RPGRIP1: variants seen among roughly 807,000 people sequenced by gnomAD.
RPGRIP1 encodes RPGR interacting protein 1.
A neutral mutation model predicts 157.9 loss-of-function variants in RPGRIP1; 128 were observed. That is an observed-to-expected ratio of 0.81 (90% CI 0.70 to 0.94). The LOEUF (loss-of-function observed/expected upper bound fraction) is 0.94. Among genes scored for constraint, RPGRIP1 ranks in the 40% least tolerant of loss-of-function variants. RPGRIP1 has a pLI of 0.00. For missense variants in RPGRIP1, 1,486 were observed against 1,545.8 expected, an observed-to-expected ratio of 0.96 and a Z score of 0.65; for synonymous variants, 554 against 571.6, an observed-to-expected ratio of 0.97 and a Z score of 0.44.
chr14:21,340,098 C>G (rs1884835614), intron 21 of RPGRIP1, among the ~76,000 whole-genome samples: 1 of 152,130 alleles, frequency 6.6e-6, no homozygotes, highest in Admixed American at 6.6e-5. Context: ...AGACTGTACT[C>G]ATCTCAGGCA....
chr14:21,321,405 G>A lies in RPGRIP1; in HGVS notation c.1611+3G>A, dbSNP rs774319008. On this transcript the variant is annotated splice_donor_region_variant and intron_variant, in intron 13 of 24. Coordinates refer to ENST00000400017, the MANE Select transcript of RPGRIP1 (RefSeq NM_020366.4). ...GCAAAATCAACGTGTGTTATCAGGT[G>A]CAAGGAAAGATGGTACAGGAAGGGG... 1.9e-6 allele frequency: 3 copies of A among 1,608,524 alleles called. No homozygotes were observed. The highest frequency in any genetic ancestry group is 2.5e-6 in the Non-Finnish European group (3 of 1,177,710).
intron 23 of RPGRIP1, among the ~76,000 whole-genome samples, chr14:21,347,919 G>T (rs1336165235): frequency 6.6e-6 from 1 of 152,010 alleles, no homozygotes; most frequent in Admixed American, 6.6e-5. Flanking sequence ...TAGAGACGGG[G>T]TGTTCCTATG....
At chr14:21,305,860 C>CAAAAA (rs1566673952) in intron 6 of RPGRIP1, among the ~76,000 whole-genome samples, 1 of 152,072 alleles carries the variant, frequency 6.6e-6, no homozygotes, top group African/African-American at 2.4e-5. Context: ...GACTCTGTCT[C>CAAAAA]AAAAACAAAA....
chr14:21,302,415 T>C (rs572999672), intron 4 of RPGRIP1, 73 bp from the exon 5 acceptor site: 72 of 743,962 alleles, frequency 9.7e-5, no homozygotes, highest in Non-Finnish European at 1.4e-4. Context: ...CAGCCCTTCA[T>C]GTTCCAGTTT....
intron 3 of RPGRIP1, among the ~76,000 whole-genome samples, chr14:21,296,978 C>A (rs539718782): frequency 6.5e-4 from 98 of 150,782 alleles, no homozygotes; most frequent in African/African-American, 2.2e-3. Flanking sequence ...AGTATTAATT[C>A]ATTTAATAGT....
intron 2 of RPGRIP1, 94 bp from the exon 3 acceptor site, chr14:21,294,583 T>A: frequency 7.9e-7 from 1 of 1,272,496 alleles, no homozygotes; most frequent in South Asian, 1.3e-5. Flanking sequence ...TCAAGATAGA[T>A]TTATGCTCTC....
In RPGRIP1 at chr14:21,351,116, A is replaced by AAGATCTG; in HGVS notation, c.3762_3768dup (p.Ala1257ArgfsTer28). ...CCTTTCCCAACAGTTGTTAGCCCTG[A>AAGATCTG]AGATCTGGCTACCCCAATAGGAAGG... On this transcript the variant is annotated frameshift_variant, in exon 25 of 25. Coordinates refer to ENST00000400017, the MANE Select transcript of RPGRIP1 (RefSeq NM_020366.4). LOFTEE classifies it high-confidence loss of function. The AAGATCTG allele has an allele frequency of 6.2e-7, 1 of 1,607,730 alleles. No individual in the cohort carries two copies. Among genetic ancestry groups the AAGATCTG allele is most frequent in the Non-Finnish European group, 8.5e-7 (1 of 1,176,070 alleles).
chr14:21,294,052 C>A (rs867176378), intron 2 of RPGRIP1, among the ~76,000 whole-genome samples: 1,255 of 94,694 alleles, frequency 0.013, no homozygotes, highest in East Asian at 0.02. Context: ...GACCCTGTCT[C>A]AAAAAAAAAA....
At chr14:21,340,321 A>G (rs1353665356) in intron 21 of RPGRIP1, among the ~76,000 whole-genome samples, 1 of 152,242 alleles carries the variant, frequency 6.6e-6, no homozygotes, top group Non-Finnish European at 1.5e-5. Flanking sequence ...TGTGCCAGAC[A>G]TTATGCCAGG....
chr14:21,331,727 T>C (rs929374539), intron 20 of RPGRIP1, among the ~76,000 whole-genome samples: 23 of 152,226 alleles, frequency 1.5e-4, no homozygotes, highest in African/African-American at 5.3e-4. Flanking sequence ...CAGTGTTCTA[T>C]TTCTTGGCTG....
At chr14:21,322,115 A>C in intron 14 of RPGRIP1, 111 bp downstream of exon 14, 1 of 848,760 alleles carries the variant, frequency 1.2e-6, no homozygotes, top group Non-Finnish European at 1.8e-6. Context: ...TTAGCATATG[A>C]CTTATCCTTC....
chr14:21,344,861 G>T (rs541526655), intron 22 of RPGRIP1, among the ~76,000 whole-genome samples: 1 of 152,070 alleles, frequency 6.6e-6, no homozygotes, highest in Non-Finnish European at 1.5e-5. Flanking sequence ...CAGGAGAATC[G>T]CTTGAACTTG....
rs191842624 is a variant in RPGRIP1 at position 21,351,292 on chromosome 14, A to G, written c.*76A>G. 6.3e-5 allele frequency: 54 copies of G among 858,492 alleles called. No individual in the cohort carries two copies. The highest frequency in any genetic ancestry group is 3.8e-4 in the South Asian group (25 of 66,286). The allele number at this position is 858,492 out of a possible 1,614,324, so 53.2% of individuals were successfully genotyped here. A position where few individuals can be genotyped will look rare whatever the true frequency, so the allele number is the denominator to read the frequency against. On this transcript the variant is annotated 3_prime_UTR_variant, in exon 25 of 25. Coordinates refer to ENST00000400017, the MANE Select transcript of RPGRIP1 (RefSeq NM_020366.4). ...AAGTCTCTTATAAAGTTAGCTTGCTATAACATGAATTTGGTTTACTGTGAT... is the reference window on the plus strand; with the variant it reads ...AAGTCTCTTATAAAGTTAGCTTGCTGTAACATGAATTTGGTTTACTGTGAT...
chr14:21,290,013 C>T (rs767708897), intron 2 of RPGRIP1, among the ~76,000 whole-genome samples: 1 of 152,076 alleles, frequency 6.6e-6, no homozygotes, highest in African/African-American at 2.4e-5. Flanking sequence ...CCTGCCACCA[C>T]ACCTGGCTAA....
intron 10 of RPGRIP1, among the ~76,000 whole-genome samples, chr14:21,314,619 C>T (rs530970323): frequency 1.1e-4 from 16 of 149,290 alleles, no homozygotes; most frequent in East Asian, 2.0e-4. Context: ...CAGCCAGGCG[C>T]GGAGAATCAC....
chr14:21,333,106 A>G (rs1398228338), intron 20 of RPGRIP1, among the ~76,000 whole-genome samples: 1 of 152,206 alleles, frequency 6.6e-6, no homozygotes, highest in African/African-American at 2.4e-5. Flanking sequence ...ATTTCAAAAC[A>G]AAAACAAAAC....
At chr14:21,292,363 G>A (rs768521308) in intron 2 of RPGRIP1, among the ~76,000 whole-genome samples, 12 of 150,910 alleles carry the variant, frequency 8.0e-5, no homozygotes, top group Admixed American at 1.3e-4. Context: ...ACTGTTTTCG[G>A]AGAAAAAAAA....
At chr14:21,310,561 TA>T in intron 7 of RPGRIP1, 22 bp from the exon 8 acceptor site, 7 of 742,498 alleles carry the variant, frequency 9.4e-6, no homozygotes, top group Admixed American at 6.6e-5. Flanking sequence ...ATCAATAAAA[TA>T]ATAATAATTT....
chr14:21,330,220 T>C lies in RPGRIP1; in HGVS notation c.3100-29T>C, dbSNP rs757142107. On this transcript the variant is annotated intron_variant, in intron 19 of 24. Transcript: ENST00000400017. ...GAAAGAAAACCAAGATATTACCAGC[T>C]ATGTAGTATTGTTGTTCTTATTCTG... 6.7e-6 allele frequency: 10 copies of C among 1,487,050 alleles called. No homozygotes were observed. The South Asian group carries it at 1.2e-4, about 17-fold the overall frequency. The allele number at this position is 1,487,050 out of a possible 1,614,324, so 92.1% of individuals were successfully genotyped here.
Sources: allele counts gnomAD v4.1 joint callset (sites outside exome capture counted in the v4.1 genomes callset), GRCh38; gene constraint gnomAD v4.1.1; transcripts MANE v1.5; gene names NCBI Gene and HGNC (gene_info 2026-07-23, HGNC 2026-07-21).